The following PDZD2 variants were observed in gnomAD, a reference collection of about 807,000 sequenced individuals.
The protein encoded by PDZD2 is PDZ domain containing 2.
Under a neutral mutation model 220.7 loss-of-function variants are expected in PDZD2, and 90 were observed. The observed-to-expected ratio is 0.41, with a 90% CI of 0.34 to 0.49. The LOEUF is 0.49. PDZD2 is among the 20% of genes least tolerant of loss of function. The pLI, the probability that PDZD2 is intolerant of heterozygous loss-of-function variation, is 0.28. For synonymous variants in PDZD2, 1,375 were observed against 1,450.5 expected, an observed-to-expected ratio of 0.95 and a Z score of 1.18; for missense variants, 3,174 against 3,608.5, an observed-to-expected ratio of 0.88 and a Z score of 3.08.
chr5:31,964,702 C>T (rs1031554079), intron 2 of PDZD2, among the ~76,000 whole-genome samples: 1 of 152,070 alleles, frequency 6.6e-6, no homozygotes, highest in East Asian at 1.9e-4. Context: ...AAACTAATTG[C>T]GGTTTTTGCC....
At chr5:31,957,552 G>A (rs557825298) in intron 2 of PDZD2, among the ~76,000 whole-genome samples, 1 of 152,344 alleles carries the variant, frequency 6.6e-6, no homozygotes, top group South Asian at 2.1e-4. Flanking sequence ...GAGAACAGTG[G>A]ATGTTATGAC....
Position 31,926,526 on chromosome 5 carries a change from GAAAAAA to G in PDZD2, c.477-56615_477-56610del, listed in dbSNP as rs71300157. On this transcript the variant is annotated intron_variant, in intron 2 of 24. Transcript: ENST00000438447. The stretch of plus-strand genomic sequence containing the variant: ...GGGCAACAAGGTAGAAACTGCATCT[GAAAAAA>G]AAAAAAAAAAAAAGAAAATTAAAAG... Among the ~76,000 whole-genome samples, 189 of 84,004 alleles carry G rather than the reference GAAAAAA, an allele frequency of 2.2e-3. 4 individuals are homozygous for G. The highest frequency in any genetic ancestry group is 3.3e-3 in the Non-Finnish European group (141 of 43,034). 55.1% of individuals were successfully genotyped at this position (84,004 alleles called of 152,430 possible). A position where few individuals can be genotyped will look rare whatever the true frequency, so the allele number is the denominator to read the frequency against.
chr5:31,873,813 C>T (rs1459749730), intron 2 of PDZD2, among the ~76,000 whole-genome samples: 2 of 150,840 alleles, frequency 1.3e-5, no homozygotes, highest in African/African-American at 2.4e-5. Flanking sequence ...TCACGGCAAC[C>T]TCCACCTCCC....
chr5:32,110,705 A>C lies in PDZD2; in HGVS notation c.*2570A>C, dbSNP rs758549457. 6.6e-6 allele frequency: 1 copy of C among 152,574 alleles called. No homozygotes were observed. The highest frequency in any genetic ancestry group is 1.5e-5 in the Non-Finnish European group (1 of 68,024). The allele number at this position is 152,574 out of a possible 1,614,324, so 9.5% of individuals were successfully genotyped here. ...TCATTTCCATCTTCCCACACATCTC[A>C]TTGAATTTGATGGTTGACTTAATTG... On this transcript the variant is annotated 3_prime_UTR_variant, in exon 25 of 25. Transcript: ENST00000438447.
At chr5:31,698,631 G>A (rs1458200456) in intron 1 of PDZD2, among the ~76,000 whole-genome samples, 1 of 151,856 alleles carries the variant, frequency 6.6e-6, no homozygotes, top group Non-Finnish European at 1.5e-5. Flanking sequence ...AGAAGGCTGG[G>A]TGGAACCAGC....
intron 1 of PDZD2, among the ~76,000 whole-genome samples, chr5:31,748,407 G>A (rs1750730756): frequency 6.6e-6 from 1 of 152,138 alleles, no homozygotes; most frequent in South Asian, 2.1e-4. Flanking sequence ...AAGTGGCTGG[G>A]GGAACCAAAT....
intron 6 of PDZD2, among the ~76,000 whole-genome samples, chr5:32,031,394 G>C (rs1755104334): frequency 6.6e-6 from 1 of 152,154 alleles, no homozygotes; most frequent in Non-Finnish European, 1.5e-5. Flanking sequence ...TCAGGGACCA[G>C]AGCATGTTTT....
At chr5:31,745,433 G>A (rs1750539810) in intron 1 of PDZD2, among the ~76,000 whole-genome samples, 6 of 151,996 alleles carry the variant, frequency 3.9e-5, no homozygotes, top group Admixed American at 3.9e-4. Context: ...AGTATTTTTT[G>A]ATAAAAATAA....
chr5:31,971,693 C>T (rs1019988025), intron 2 of PDZD2, among the ~76,000 whole-genome samples: 1 of 152,288 alleles, frequency 6.6e-6, no homozygotes, highest in South Asian at 2.1e-4. Flanking sequence ...CTGCTTCTAA[C>T]CTATTCCCAA....
chr5:31,799,738 A>G lies in PDZD2; in HGVS notation c.476+14A>G, dbSNP rs746026796. The G allele has an allele frequency of 6.4e-7, 1 of 1,558,794 alleles. No homozygotes were observed. Among genetic ancestry groups the G allele is most frequent in the Non-Finnish European group, 8.8e-7 (1 of 1,130,240 alleles). On this transcript the variant is annotated intron_variant, in intron 2 of 24. Coordinates refer to ENST00000438447, the MANE Select transcript of PDZD2 (RefSeq NM_178140.4). ...CAGTGGGGCCAGGTAAGTAGGGGGA[A>G]TGCCTGCTGGCACAGGGGCTGGACA... is the stretch of plus-strand genomic sequence containing the variant.
intron 8 of PDZD2, among the ~76,000 whole-genome samples, chr5:32,050,526 C>T (rs1396280915): frequency 3.9e-5 from 6 of 152,102 alleles, no homozygotes; most frequent in African/African-American, 4.8e-5. Flanking sequence ...TCTCTCCCTC[C>T]ACTATAAAGT....
intron 14 of PDZD2, among the ~76,000 whole-genome samples, chr5:32,063,286 C>A (rs1290691502): frequency 2.0e-5 from 3 of 152,114 alleles, no homozygotes; most frequent in Non-Finnish European, 4.4e-5. Context: ...CTCAAGTGAT[C>A]CTCCCACTGG....
intron 24 of PDZD2, among the ~76,000 whole-genome samples, chr5:32,106,901 A>G (rs925857659): frequency 6.6e-6 from 1 of 152,168 alleles, no homozygotes; most frequent in Non-Finnish European, 1.5e-5. Flanking sequence ...TAATGTAACT[A>G]ACTGCCTCTA....
intron 6 of PDZD2, among the ~76,000 whole-genome samples, chr5:32,011,580 C>G (rs1281968002): frequency 6.6e-6 from 1 of 152,136 alleles, no homozygotes; most frequent in African/African-American, 2.4e-5. Flanking sequence ...AGTGTGAACT[C>G]TTATTAGCCC....
At chr5:32,002,902 C>CACCACACACA (rs1554022548) in intron 5 of PDZD2, among the ~76,000 whole-genome samples, 2 of 13,350 alleles carry the variant, frequency 1.5e-4, no homozygotes, top group Non-Finnish European at 3.5e-4. Context: ...CCAACACACA[C>CACCACACACA]CCCCACCACA....
intron 2 of PDZD2, among the ~76,000 whole-genome samples, chr5:31,942,456 A>G (rs1223800383): frequency 6.6e-6 from 1 of 152,162 alleles, no homozygotes; most frequent in Non-Finnish European, 1.5e-5. Context: ...ACCTGGAGAC[A>G]TGGCTCTTTT....
At chr5:32,062,951 G>A (rs1447663458) in intron 14 of PDZD2, among the ~76,000 whole-genome samples, 4 of 151,932 alleles carry the variant, frequency 2.6e-5, no homozygotes, top group South Asian at 2.1e-4. Flanking sequence ...TTGAGCCAAC[G>A]GACATAGTAT....
chr5:31,994,840 A>G (rs1029468926), intron 3 of PDZD2, among the ~76,000 whole-genome samples: 8 of 152,206 alleles, frequency 5.3e-5, no homozygotes, highest in African/African-American at 1.9e-4. Context: ...TATAAGTAAT[A>G]TAGTTACCTA....
chr5:31,960,052 G>C (rs543489569), intron 2 of PDZD2, among the ~76,000 whole-genome samples: 1 of 152,148 alleles, frequency 6.6e-6, no homozygotes, highest in East Asian at 1.9e-4. Context: ...ATCTCCTCTT[G>C]ATCCTTAACT....
Sources: allele counts gnomAD v4.1 joint callset (sites outside exome capture counted in the v4.1 genomes callset), GRCh38; gene constraint gnomAD v4.1.1; transcripts MANE v1.5; gene names NCBI Gene and HGNC (gene_info 2026-07-23, HGNC 2026-07-21).